The following HDAC4 variants were observed in gnomAD, a reference collection of about 807,000 sequenced individuals.
HDAC4 encodes the protein histone deacetylase A.
In HDAC4, 16 loss-of-function variants were observed where a neutral mutation model predicts 135.1. The observed-to-expected ratio is 0.12, with a 90% CI of 0.08 to 0.18. HDAC4 has a LOEUF of 0.18. HDAC4 is among the 10% of genes least tolerant of loss of function. The pLI is 1.00. For missense variants in HDAC4, 1,143 were observed against 1,511.8 expected, an observed-to-expected ratio of 0.76 and a Z score of 4.05; for synonymous variants, 685 against 653.4, an observed-to-expected ratio of 1.05 and a Z score of -0.74.
chr2:239,114,019 C>T (rs1404592684), intron 13 of HDAC4, among the ~76,000 whole-genome samples: 3 of 152,192 alleles, frequency 2.0e-5, no homozygotes, highest in African/African-American at 7.2e-5. Flanking sequence ...CCTCTGGAGA[C>T]CACTGAGCAC....
chr2:239,250,287 G>T (rs1285684326), intron 2 of HDAC4, among the ~76,000 whole-genome samples: 2 of 152,248 alleles, frequency 1.3e-5, no homozygotes, highest in Non-Finnish European at 2.9e-5. Flanking sequence ...TCCGAGAGGA[G>T]AGGTCCAGGT....
At chr2:239,161,994 G>C (rs1391986683) in intron 6 of HDAC4, 1 of 401,844 alleles carries the variant, frequency 2.5e-6, no homozygotes, top group African/African-American at 2.0e-5. Flanking sequence ...TTCTATTCCT[G>C]CTGGCCTCGG....
At position 239,082,221 on chromosome 2, in the gene HDAC4, C is replaced by T; in HGVS notation, c.2533G>A (p.Asp845Asn). 6.2e-7 allele frequency: 1 copy of T among 1,614,186 alleles called. No individual in the cohort carries two copies. The highest frequency in any genetic ancestry group is 1.1e-5 in the South Asian group (1 of 91,074). The change falls in exon 21 of 27, where the codon GAC (aspartate) becomes AAC (asparagine). Residue 845 changes from aspartate to asparagine, a missense_variant and splice_region_variant. Around this residue, in one of 9 missense-constraint regions of HDAC4, gnomAD observed 189 missense variants for 317.6 expected, o/e 0.60. Coordinates refer to ENST00000543185, the MANE Select transcript of HDAC4 (RefSeq NM_001378414.1). ...TGGGTCCCGTTTCCATGGTGCACGT[C>T]CTTAAAGAGCAGGGACAACTACTTC... ...SVSKILIVDWDVHHGNGTQQA... is the reference protein window; with the variant it reads ...SVSKILIVDWNVHHGNGTQQA...
At chr2:239,205,021 C>T (rs687778) in intron 3 of HDAC4, among the ~76,000 whole-genome samples, 110,064 of 152,084 alleles carry the variant, frequency 0.72, 40,069 homozygotes, top group South Asian at 0.78. Flanking sequence ...CCCCCGTCCC[C>T]GAGCCGCCTC....
Position 239,303,631 on chromosome 2 carries a change from C to T in HDAC4, c.22+49047G>A, listed in dbSNP as rs2052400899. 6.6e-6 allele frequency among the ~76,000 whole-genome samples: 1 copy of T among 151,838 alleles called. No homozygotes were observed. The highest frequency in any genetic ancestry group is 1.5e-5 in the Non-Finnish European group (1 of 67,950). ...TTTAATTCACAATTGAGGAAACCAA[C>T]AGGTTGAGCTGCTGCCTCAAGTAAA... is the stretch of plus-strand genomic sequence containing the variant. On this transcript the variant is annotated intron_variant, in intron 2 of 26. Transcript: ENST00000543185. The surrounding 1 kb of genome is among the most constrained non-coding windows in gnomAD (Gnocchi z 5.1).
At chr2:239,192,839 T>C (rs2045090425) in intron 3 of HDAC4, among the ~76,000 whole-genome samples, 2 of 152,134 alleles carry the variant, frequency 1.3e-5, no homozygotes, top group African/African-American at 4.8e-5. Context: ...GGTGAACCCA[T>C]CGGGGAAGGC....
In HDAC4 at chr2:239,066,914, C is replaced by T. The variant is rs10210496; in HGVS notation, c.2870-59G>A. 9,852 of 1,581,162 alleles carry T rather than the reference C, an allele frequency of 6.2e-3. 496 individuals carry two copies. In the African/African-American group the frequency reaches 0.11, roughly 18 times the overall value. ...GGGGGAGGACCGCAGCCAGCACAGC[C>T]CAGAAACGCGTCTCATGGCATCGTA... On this transcript the variant is annotated intron_variant, in intron 23 of 26. Coordinates refer to ENST00000543185, the MANE Select transcript of HDAC4 (RefSeq NM_001378414.1).
At chr2:239,158,268 C>T (rs1487883364) in intron 6 of HDAC4, among the ~76,000 whole-genome samples, 2 of 152,182 alleles carry the variant, frequency 1.3e-5, no homozygotes, top group African/African-American at 4.8e-5. Context: ...CAAACTTCTT[C>T]AACACCAGGT....
Position 239,113,767 on chromosome 2 carries a change from C to T in HDAC4, c.1791+1286G>A, listed in dbSNP as rs141475958. On this transcript the variant is annotated intron_variant, in intron 13 of 26. Coordinates refer to ENST00000543185, the MANE Select transcript of HDAC4 (RefSeq NM_001378414.1). ...AGGCCCCCACCCTGGGCCTGTCGGA[C>T]AGGACCTGTGGACGAGTGTTCACCA... Among the ~76,000 whole-genome samples, 210 of 152,268 alleles carry T rather than the reference C, an allele frequency of 1.4e-3. 2 individuals are homozygous for T. The highest frequency in any genetic ancestry group is 5.0e-3 in the African/African-American group (208 of 41,552).
chr2:239,250,091 C>A lies in HDAC4; in HGVS notation c.23-13427G>T, dbSNP rs768474854. 3.3e-5 allele frequency among the ~76,000 whole-genome samples: 5 copies of A among 152,238 alleles called. No homozygotes were observed. In the East Asian group the frequency reaches 5.8e-4, roughly 18 times the overall value. On this transcript the variant is annotated intron_variant, in intron 2 of 26. Coordinates refer to ENST00000543185, the MANE Select transcript of HDAC4 (RefSeq NM_001378414.1). ...TGATGGCCACCGCGGCCTCTCCCAT[C>A]GGAATTGCAGGGAATACCCCGCTCC...
At chr2:239,293,999 A>G (rs1230535946) in intron 2 of HDAC4, among the ~76,000 whole-genome samples, 1 of 152,188 alleles carries the variant, frequency 6.6e-6, no homozygotes, top group African/African-American at 2.4e-5. Context: ...GCCATTTGTT[A>G]ATTTAACAGA....
chr2:239,337,139 C>T (rs1691991046), intron 2 of HDAC4, among the ~76,000 whole-genome samples: 1 of 152,128 alleles, frequency 6.6e-6, no homozygotes, highest in Non-Finnish European at 1.5e-5. Flanking sequence ...AACACATGGA[C>T]TAGAATTAAC....
In HDAC4 at chr2:239,090,002, G is replaced by A. The variant is rs751068418; in HGVS notation, c.2388+7C>T. ...GGAGGGCCACCACTGTCCAGGCCCC[G>A]ACTGACCTTCAGCTCCCCTGTGGCC... On this transcript the variant is annotated splice_region_variant and intron_variant, in intron 18 of 26. Transcript: ENST00000543185. The A allele has an allele frequency of 1.5e-5, 24 of 1,605,832 alleles. No individual in the cohort carries two copies. Among genetic ancestry groups the A allele is most frequent in the South Asian group, 4.4e-5 (4 of 90,884 alleles).
intron 12 of HDAC4, among the ~76,000 whole-genome samples, chr2:239,120,715 T>C (rs1419572086): frequency 6.6e-6 from 1 of 151,934 alleles, no homozygotes; most frequent in African/African-American, 2.4e-5. Flanking sequence ...GTGGTGTGCC[T>C]GCCTTTCTTT....
chr2:239,057,482 T>C (rs1036691727), intron 24 of HDAC4, among the ~76,000 whole-genome samples: 5 of 151,778 alleles, frequency 3.3e-5, no homozygotes, highest in African/African-American at 1.2e-4. Context: ...CTGCAGAACA[T>C]CAAAAACAAA....
At chr2:239,278,619 G>A (rs894420909) in intron 2 of HDAC4, among the ~76,000 whole-genome samples, 4 of 152,138 alleles carry the variant, frequency 2.6e-5, no homozygotes, top group African/African-American at 9.7e-5. Flanking sequence ...CTGCAGTGAG[G>A]CGAGATCATG....
chr2:239,230,787 A>T (rs1387712703), intron 3 of HDAC4, among the ~76,000 whole-genome samples: 2 of 152,240 alleles, frequency 1.3e-5, no homozygotes, highest in Non-Finnish European at 2.9e-5. Context: ...TTCCGGTGCC[A>T]ATAAAGGGAG....
intron 26 of HDAC4, among the ~76,000 whole-genome samples, 162 bp from the exon 27 acceptor site, chr2:239,053,298 C>G (rs992831828): frequency 6.6e-6 from 1 of 152,210 alleles, no homozygotes; most frequent in Non-Finnish European, 1.5e-5. Flanking sequence ...GCTCCTCATG[C>G]GTCTCTAAGG....
intron 4 of HDAC4, among the ~76,000 whole-genome samples, chr2:239,182,349 G>A (rs1384790268): frequency 6.6e-6 from 1 of 152,208 alleles, no homozygotes; most frequent in Admixed American, 6.5e-5. Flanking sequence ...GGGCGGAAAC[G>A]CAGAGCGGAC....
Sources: allele counts gnomAD v4.1 joint callset (sites outside exome capture counted in the v4.1 genomes callset), GRCh38; gene constraint gnomAD v4.1.1; regional missense constraint gnomAD v4.1.1; non-coding constraint Gnocchi (gnomAD v3.1); transcripts MANE v1.5; gene names NCBI Gene and HGNC (gene_info 2026-07-23, HGNC 2026-07-21).